Variants in ZNF710 observed in about 807,000 individuals in gnomAD.
ZNF710 encodes zinc finger protein 710.
In ZNF710, 13 loss-of-function variants were observed where a neutral mutation model predicts 50.6. The ratio of observed to expected loss-of-function variants is 0.26; its 90% CI spans 0.17 to 0.41. The LOEUF (loss-of-function observed/expected upper bound fraction) is 0.41. ZNF710 is among the 10% of genes least tolerant of loss of function. The pLI, the probability that ZNF710 is intolerant of heterozygous loss-of-function variation, is 1.00. For missense variants in ZNF710, 721 were observed against 936.6 expected (o/e 0.77, Z 3.01); for synonymous variants, 383 against 397.0 (o/e 0.96, Z 0.42).
chr15:90,060,070 G>C (rs974036799), intron 1 of ZNF710, among the ~76,000 whole-genome samples: 1 of 150,352 alleles, frequency 6.7e-6, no homozygotes, highest in Non-Finnish European at 1.5e-5. Context: ...CTGCCTCCAC[G>C]GAAGCCAGTC....
chr15:90,050,418 C>T (rs1899603265), intron 1 of ZNF710, among the ~76,000 whole-genome samples: 1 of 152,238 alleles, frequency 6.6e-6, no homozygotes. Flanking sequence ...TTCTCCGTCC[C>T]ATGCTTCCAG....
At chr15:90,054,441 C>T (rs1429053725) in intron 1 of ZNF710, among the ~76,000 whole-genome samples, 1 of 152,168 alleles carries the variant, frequency 6.6e-6, no homozygotes, top group South Asian at 2.1e-4. Context: ...GAAGACAAGA[C>T]CCAGAAAGCC....
intron 1 of ZNF710, among the ~76,000 whole-genome samples, chr15:90,001,873 G>A (rs1313721886): frequency 1.4e-5 from 2 of 139,122 alleles, no homozygotes; most frequent in Non-Finnish European, 3.2e-5. Context: ...GGGAGAGATG[G>A]CGTCTGGGGT....
At chr15:90,002,682 T>G (rs545060426) in intron 1 of ZNF710, 17 of 152,346 alleles carry the variant, frequency 1.1e-4, no homozygotes, top group Admixed American at 1.0e-3. Flanking sequence ...GCGTATCGGG[T>G]TTTTTTCCAA....
intron 1 of ZNF710, among the ~76,000 whole-genome samples, chr15:90,032,278 G>A (rs767306727): frequency 8.5e-5 from 13 of 152,134 alleles, no homozygotes; most frequent in South Asian, 2.1e-4. Flanking sequence ...GATTATAGGC[G>A]TGAGCCACTG....
intron 1 of ZNF710, chr15:90,024,891 G>A (rs1027314414): frequency 2.0e-4 from 30 of 152,236 alleles, no homozygotes; most frequent in African/African-American, 7.2e-4. Context: ...GCCTGCACCG[G>A]GTATTTGGCC....
chr15:90,048,935 TG>T (rs1899552401), intron 1 of ZNF710, among the ~76,000 whole-genome samples: 1 of 152,184 alleles, frequency 6.6e-6, no homozygotes, highest in East Asian at 1.9e-4. Context: ...GAACCTTCCG[TG>T]GGACCGGGTC....
chr15:90,015,595 C>CT (rs35261596), intron 1 of ZNF710, among the ~76,000 whole-genome samples: 1,425 of 136,814 alleles, frequency 0.01, 15 homozygotes, highest in East Asian at 0.022. Flanking sequence ...CAATGCAATT[C>CT]TTTTTTTTTT....
chr15:89,999,778 G>A (rs1237325891), upstream of ZNF710, among the ~76,000 whole-genome samples: 1 of 152,054 alleles, frequency 6.6e-6, no homozygotes, highest in Non-Finnish European at 1.5e-5. Flanking sequence ...CAGTCACTGG[G>A]GGAGAGACAA....
chr15:90,002,109 C>T (rs938775359), intron 1 of ZNF710, among the ~76,000 whole-genome samples: 1 of 151,340 alleles, frequency 6.6e-6, no homozygotes, highest in African/African-American at 2.4e-5. Context: ...GTGCTGGGTG[C>T]GCTCCCCCCA....
rs532774757 is a variant in ZNF710, at chr15:90,034,207, G to GAAAA, written c.-29+32594_-29+32597dup. Among the ~76,000 whole-genome samples, 2 of 147,292 alleles carry GAAAA rather than the reference G, an allele frequency of 1.4e-5. No homozygotes were observed. The highest frequency in any genetic ancestry group is 3.9e-4 in the East Asian group (2 of 5,128). ...AGTGAGACTCTGTCTCAAAAAAAAA[G>GAAAA]AAAAGAAAAGAAAAGAAAAGAAAAC... On this transcript the variant is annotated intron_variant, in intron 1 of 4. Transcript: ENST00000268154. The surrounding 1 kb of genome is among the most constrained non-coding windows in gnomAD (Gnocchi z 4.0).
chr15:90,012,602 G>A (rs76916037), intron 1 of ZNF710, among the ~76,000 whole-genome samples: 4,722 of 151,902 alleles, frequency 0.031, 272 homozygotes, highest in African/African-American at 0.11. Flanking sequence ...TTTTATTCCG[G>A]GTGTTTTCAG....
intron 1 of ZNF710, among the ~76,000 whole-genome samples, chr15:90,033,245 T>C (rs560420234): frequency 6.6e-6 from 1 of 152,302 alleles, no homozygotes; most frequent in South Asian, 2.1e-4. Context: ...GTGGCAGGAC[T>C]CAGGACTAAA....
chr15:90,038,011 C>G (rs1341673280), intron 1 of ZNF710, among the ~76,000 whole-genome samples: 2 of 152,196 alleles, frequency 1.3e-5, no homozygotes, highest in African/African-American at 4.8e-5. Context: ...GGTGCTGTAC[C>G]AAAGTGAGTG....
At chr15:90,033,937 C>T (rs1899025639) in intron 1 of ZNF710, among the ~76,000 whole-genome samples, 1 of 152,216 alleles carries the variant, frequency 6.6e-6, no homozygotes. Context: ...TGCGGTGGCT[C>T]ATGCCTGTAA....
chr15:90,066,712 A>G (rs1050142532), intron 1 of ZNF710, among the ~76,000 whole-genome samples: 2 of 152,154 alleles, frequency 1.3e-5, no homozygotes, highest in African/African-American at 2.4e-5. Context: ...TGCTGACCTC[A>G]GGTGATCTGC....
chr15:90,023,257 A>G (rs1223321759), intron 1 of ZNF710, among the ~76,000 whole-genome samples: 1 of 152,252 alleles, frequency 6.6e-6, no homozygotes, highest in Non-Finnish European at 1.5e-5. Context: ...AAAGTAAAGC[A>G]GGAGCTACAG....
chr15:90,035,944 G>A (rs1381999059), intron 1 of ZNF710, among the ~76,000 whole-genome samples: 1 of 152,156 alleles, frequency 6.6e-6, no homozygotes, highest in African/African-American at 2.4e-5. Flanking sequence ...TGCCCCCAAG[G>A]CAGCCTGGAG....
intron 1 of ZNF710, among the ~76,000 whole-genome samples, chr15:90,012,126 AC>A (rs1898321521): frequency 6.6e-6 from 1 of 151,380 alleles, no homozygotes; most frequent in Non-Finnish European, 1.5e-5. Context: ...AATCGCTTGA[AC>A]CCGGGAGGTA....
Sources: gnomAD v4.1 joint callset for allele counts (sites outside exome capture counted in the v4.1 genomes callset) on GRCh38, gnomAD v4.1.1 for gene constraint, Gnocchi (gnomAD v3.1) non-coding constraint, MANE v1.5 for transcripts, NCBI Gene and HGNC (gene_info 2026-07-23, HGNC 2026-07-21) for gene names.